ADGRL4: variants seen among roughly 807,000 people sequenced by gnomAD.
The protein encoded by ADGRL4 is adhesion G protein-coupled receptor L4, also known as EGF, latrophilin and seven transmembrane domain containing 1.
Under a neutral mutation model 74.8 loss-of-function variants are expected in ADGRL4, and 90 were observed. The ratio of observed to expected loss-of-function variants is 1.20; its 90% confidence interval spans 1.02 to 1.43. The LOEUF is 1.43. Among genes scored for constraint, ADGRL4 ranks in the 40% most tolerant of loss-of-function variants. The probability of loss-of-function intolerance (pLI) is 0.00; values close to 1 mark genes in which losing one functional copy is unlikely to be tolerated. For missense variants in ADGRL4, 881 were observed against 814.3 expected (o/e 1.08, Z -1.00); for synonymous variants, 311 against 279.2 (o/e 1.11, Z -1.14).
At chr1:78,895,713 T>C (rs1173846418) in intron 12 of ADGRL4, among the ~76,000 whole-genome samples, 1 of 152,010 alleles carries the variant, frequency 6.6e-6, no homozygotes, top group African/African-American at 2.4e-5. Flanking sequence ...GGCTGGAGTA[T>C]AGTAAGCAAA....
rs540007284 is a variant in ADGRL4, at chr1:78,902,525, T to C, written c.1750-9336A>G. ...TAGGGGGTAACAGAGCCAATATTCA[T>C]ACCTAGTAGACAGGTTCTAGAGTTT... On this transcript the variant is annotated intron_variant, in intron 12 of 14. Coordinates refer to ENST00000370742, the MANE Select transcript of ADGRL4 (RefSeq NM_022159.4). Among the ~76,000 whole-genome samples, 105 of 152,290 alleles carry C rather than the reference T, an allele frequency of 6.9e-4. 2 individuals carry two copies. Among genetic ancestry groups the C allele is most frequent in the Admixed American group, 6.7e-3 (102 of 15,282 alleles).
At chr1:78,998,216 T>C (rs1650759035) in intron 2 of ADGRL4, among the ~76,000 whole-genome samples, 1 of 151,306 alleles carries the variant, frequency 6.6e-6, no homozygotes, top group South Asian at 2.1e-4. Flanking sequence ...TTCACTCTAA[T>C]CTGTGGTCTT....
intron 2 of ADGRL4, among the ~76,000 whole-genome samples, chr1:78,947,737 A>C (rs1649632714): frequency 6.6e-6 from 1 of 152,182 alleles, no homozygotes; most frequent in Admixed American, 6.5e-5. Context: ...CAGAAAAGTG[A>C]CTGGGATATT....
chr1:78,951,814 A>G (rs1285316410), intron 2 of ADGRL4, among the ~76,000 whole-genome samples: 2 of 152,200 alleles, frequency 1.3e-5, no homozygotes, highest in Non-Finnish European at 2.9e-5. Flanking sequence ...GTTATTTTTC[A>G]GCGTTGAAGA....
intron 12 of ADGRL4, among the ~76,000 whole-genome samples, chr1:78,901,669 G>T (rs562194410): frequency 6.6e-6 from 1 of 152,272 alleles, no homozygotes; most frequent in South Asian, 2.1e-4. Flanking sequence ...TAGTACATTT[G>T]TCAAAATTCA....
At chr1:79,001,824 C>T (rs952176680) in intron 2 of ADGRL4, among the ~76,000 whole-genome samples, 1 of 151,778 alleles carries the variant, frequency 6.6e-6, no homozygotes, top group African/African-American at 2.4e-5. Flanking sequence ...AATGATTTTG[C>T]CTTTTTCTCA....
At chr1:78,926,863 T>C (rs1324329345) in intron 8 of ADGRL4, 23 bp downstream of exon 8, 1 of 1,559,426 alleles carries the variant, frequency 6.4e-7, no homozygotes, top group Non-Finnish European at 8.8e-7. Flanking sequence ...TCATAGCCAA[T>C]AACTACCAGA....
intron 2 of ADGRL4, among the ~76,000 whole-genome samples, chr1:78,968,617 G>T (rs899579480): frequency 3.9e-5 from 6 of 152,036 alleles, no homozygotes; most frequent in Non-Finnish European, 7.4e-5. Context: ...TTCACTGGCT[G>T]AACAGGGCTG....
intron 12 of ADGRL4, among the ~76,000 whole-genome samples, chr1:78,912,175 T>G (rs1163304115): frequency 6.6e-6 from 1 of 151,786 alleles, no homozygotes; most frequent in Non-Finnish European, 1.5e-5. Context: ...TTGAGCAAGA[T>G]GAATATTGAG....
intron 2 of ADGRL4, among the ~76,000 whole-genome samples, chr1:79,001,181 GGGA>G: frequency 4.2e-5 from 4 of 95,906 alleles, no homozygotes; most frequent in South Asian, 4.6e-4. Context: ...GGAGAGGGGG[GGGA>G]GGGAGGGAGG....
chr1:78,954,234 G>T (rs61770704), intron 2 of ADGRL4, among the ~76,000 whole-genome samples: 2 of 152,052 alleles, frequency 1.3e-5, no homozygotes, highest in Non-Finnish European at 2.9e-5. Context: ...TGAGGGTGGA[G>T]CACAGTGGGC....
At chr1:78,991,316 A>G (rs2100734560) in intron 2 of ADGRL4, among the ~76,000 whole-genome samples, 1 of 152,152 alleles carries the variant, frequency 6.6e-6, no homozygotes, top group Middle Eastern at 3.4e-3. Context: ...TATCTGGTTA[A>G]TCAAGCCCCA....
intron 4 of ADGRL4, 130 bp from the exon 5 acceptor site, chr1:78,938,409 A>C: frequency 1.7e-6 from 1 of 593,772 alleles, no homozygotes; most frequent in Non-Finnish European, 2.7e-6. Context: ...TATCAAACTA[A>C]TAAACCTAAA....
chr1:78,986,777 T>C (rs1389126765), intron 2 of ADGRL4, among the ~76,000 whole-genome samples: 2 of 151,800 alleles, frequency 1.3e-5, no homozygotes, highest in South Asian at 2.1e-4. Flanking sequence ...TCACTCATCA[T>C]AACTAAGAGT....
At chr1:78,956,723 G>A (rs963931491) in intron 2 of ADGRL4, among the ~76,000 whole-genome samples, 34 of 152,142 alleles carry the variant, frequency 2.2e-4, no homozygotes, top group African/African-American at 7.5e-4. Context: ...ATTACCTAAT[G>A]TTTGAGAAAA....
chr1:78,893,962 G>A (rs539410992), intron 12 of ADGRL4, among the ~76,000 whole-genome samples: 1 of 151,740 alleles, frequency 6.6e-6, no homozygotes, highest in Non-Finnish European at 1.5e-5. Context: ...GCTAAATGAA[G>A]GGTATATGTT....
At position 78,961,489 on chromosome 1, in the gene ADGRL4, G is replaced by T. The variant is rs942346283; in HGVS notation, c.173-15063C>A. On this transcript the variant is annotated intron_variant, in intron 2 of 14. Coordinates refer to ENST00000370742, the MANE Select transcript of ADGRL4 (RefSeq NM_022159.4). ...CTTTGACTGTATGGCCTCCTAATGG[G>T]TCATGAAAGACAGTTTGAACAAGAA... Among the ~76,000 whole-genome samples, 5 of 152,220 alleles carry T rather than the reference G, an allele frequency of 3.3e-5. No homozygotes were observed. In the East Asian group the frequency reaches 9.7e-4, roughly 29 times the overall value.
At chr1:78,936,530 A>G (rs1649358285) in intron 6 of ADGRL4, 119 bp from the exon 7 acceptor site, 1 of 901,136 alleles carries the variant, frequency 1.1e-6, no homozygotes, top group Non-Finnish European at 1.6e-6. Flanking sequence ...ATTTATAACA[A>G]GTAGAGTGAA....
intron 7 of ADGRL4, 96 bp downstream of exon 7, chr1:78,936,199 C>A: frequency 7.9e-7 from 1 of 1,266,754 alleles, no homozygotes; most frequent in Admixed American, 2.6e-5. Context: ...TTATAGGAAA[C>A]CACATGTTAC....
Sources: allele counts gnomAD v4.1 joint callset (sites outside exome capture counted in the v4.1 genomes callset), GRCh38; gene constraint gnomAD v4.1.1; transcripts MANE v1.5; gene names NCBI Gene and HGNC (gene_info 2026-07-23, HGNC 2026-07-21).